Variants in RUNX2 observed in about 807,000 individuals in gnomAD.
RUNX2 encodes the protein RUNX family transcription factor 2.
A neutral mutation model predicts 51.7 loss-of-function variants in RUNX2; 10 were observed. That is an observed-to-expected ratio of 0.19 (90% CI 0.12 to 0.33). The LOEUF (loss-of-function observed/expected upper bound fraction) is 0.33. Ranked by LOEUF, RUNX2 falls within the 10% of genes least tolerant of loss-of-function variation. The pLI, the probability that RUNX2 is intolerant of heterozygous loss-of-function variation, is 1.00. For missense variants in RUNX2, 562 were observed against 691.3 expected (o/e 0.81, Z 2.10); for synonymous variants, 276 against 273.6 (o/e 1.01, Z -0.09).
intron 6 of RUNX2, among the ~76,000 whole-genome samples, chr6:45,510,680 G>A (rs1277691192): frequency 6.6e-6 from 1 of 151,624 alleles, no homozygotes; most frequent in South Asian, 2.1e-4. Context: ...TATTCCAAGT[G>A]TATTAACTCC....
intron 2 of RUNX2, among the ~76,000 whole-genome samples, chr6:45,391,684 G>A (rs1409214562): frequency 2.0e-5 from 3 of 152,194 alleles, no homozygotes; most frequent in African/African-American, 7.2e-5. Context: ...GGTGAAGCAA[G>A]GCGCCTTCTT....
At chr6:45,430,715 T>A (rs563596685) in intron 3 of RUNX2, among the ~76,000 whole-genome samples, 19 of 152,268 alleles carry the variant, frequency 1.2e-4, no homozygotes, top group Non-Finnish European at 2.2e-4. Context: ...AGTGGGAGGT[T>A]CACCAGACAG....
intron 5 of RUNX2, among the ~76,000 whole-genome samples, chr6:45,461,217 AG>A (rs1378394753): frequency 2.0e-5 from 3 of 152,206 alleles, no homozygotes; most frequent in African/African-American, 7.2e-5. Context: ...CAGTTAATGG[AG>A]CAGGCAGTAG....
At chr6:45,383,150 C>T (rs968361426) in intron 2 of RUNX2, among the ~76,000 whole-genome samples, 1 of 152,058 alleles carries the variant, frequency 6.6e-6, no homozygotes, top group Non-Finnish European at 1.5e-5. Context: ...TAAATAAGTT[C>T]TGGGCCGGGC....
At chr6:45,486,549 C>T (rs1025398788) in intron 5 of RUNX2, among the ~76,000 whole-genome samples, 1 of 152,120 alleles carries the variant, frequency 6.6e-6, no homozygotes, top group Admixed American at 6.5e-5. Context: ...TAAAATACTA[C>T]TCCAAAAAGA....
chr6:45,519,386 T>G (rs568450509), intron 7 of RUNX2, among the ~76,000 whole-genome samples: 1 of 152,340 alleles, frequency 6.6e-6, no homozygotes, highest in East Asian at 1.9e-4. Flanking sequence ...TATTGATACA[T>G]TGTTATGAAA....
intron 2 of RUNX2, among the ~76,000 whole-genome samples, chr6:45,347,402 GTAGA>G (rs2150166737): frequency 1.3e-5 from 2 of 152,102 alleles, no homozygotes; most frequent in East Asian, 3.9e-4. Flanking sequence ...TCTTTTGGTG[GTAGA>G]TGTACACAAA....
chr6:45,531,826 G>T (rs549810656), intron 7 of RUNX2, among the ~76,000 whole-genome samples: 4 of 151,948 alleles, frequency 2.6e-5, no homozygotes, highest in Non-Finnish European at 5.9e-5. Context: ...AATTTTGCAC[G>T]ATATATTCTA....
intron 2 of RUNX2, among the ~76,000 whole-genome samples, chr6:45,396,131 C>A (rs750603656): frequency 2.6e-5 from 4 of 151,960 alleles, no homozygotes; most frequent in African/African-American, 4.8e-5. Flanking sequence ...TAATAGATAC[C>A]ATAATATGCA....
intron 7 of RUNX2, among the ~76,000 whole-genome samples, chr6:45,526,868 T>A (rs1003391417): frequency 7.9e-5 from 12 of 152,214 alleles, no homozygotes; most frequent in Non-Finnish European, 1.3e-4. Context: ...ATAATAATAA[T>A]ACCTGCTTTA....
intron 7 of RUNX2, among the ~76,000 whole-genome samples, chr6:45,519,834 GTGTATA>G (rs1327832258): frequency 7.3e-6 from 1 of 137,064 alleles, no homozygotes; most frequent in African/African-American, 2.9e-5. Flanking sequence ...GTGTGTGTGT[GTGTATA>G]TATTTGAGAT....
At chr6:45,395,816 C>T (rs1797569586) in intron 2 of RUNX2, among the ~76,000 whole-genome samples, 1 of 151,994 alleles carries the variant, frequency 6.6e-6, no homozygotes, top group Non-Finnish European at 1.5e-5. Flanking sequence ...AGGCATGTGA[C>T]ACGACACCCA....
chr6:45,335,610 C>CT (rs555421292), intron 2 of RUNX2, among the ~76,000 whole-genome samples: 62 of 151,342 alleles, frequency 4.1e-4, no homozygotes, highest in African/African-American at 1.3e-3. Flanking sequence ...AGAAAGGAAA[C>CT]TTCTTTATGC....
intron 7 of RUNX2, among the ~76,000 whole-genome samples, chr6:45,528,326 A>G (rs1801734773): frequency 6.6e-6 from 1 of 152,178 alleles, no homozygotes; most frequent in Admixed American, 6.5e-5. Flanking sequence ...TACTGCTTCT[A>G]AAATGCACTT....
At chr6:45,443,742 TCA>T (rs1190578814) in intron 5 of RUNX2, among the ~76,000 whole-genome samples, 1 of 152,208 alleles carries the variant, frequency 6.6e-6, no homozygotes, top group Admixed American at 6.5e-5. Context: ...TATTAGCAGA[TCA>T]CTACTCAAGT....
intron 4 of RUNX2, among the ~76,000 whole-genome samples, chr6:45,436,752 A>G (rs183857040): frequency 1.3e-5 from 2 of 152,350 alleles, no homozygotes; most frequent in Admixed American, 6.5e-5. Flanking sequence ...CCTGTTCCAT[A>G]TTAAGCTTTG....
intron 4 of RUNX2, among the ~76,000 whole-genome samples, chr6:45,435,637 C>T (rs140838642): frequency 0.057 from 8,698 of 152,232 alleles, 335 homozygotes; most frequent in Non-Finnish European, 0.089. Flanking sequence ...GGATTACAGG[C>T]GTGAGCCACC....
chr6:45,505,360 CTT>C lies in RUNX2; in HGVS notation c.860-6871_860-6870del, dbSNP rs1203690597. Among the ~76,000 whole-genome samples, 31 of 139,884 alleles carry C rather than the reference CTT, an allele frequency of 2.2e-4. No homozygotes were observed. In the East Asian group the frequency reaches 3.7e-3, roughly 17 times the overall value. 91.8% of individuals were successfully genotyped at this position (139,884 alleles called of 152,430 possible). A position where few individuals can be genotyped will look rare whatever the true frequency, so the allele number is the denominator to read the frequency against. On this transcript the variant is annotated intron_variant, in intron 6 of 8. Transcript: ENST00000647337. ...GAGTCAGTTCATTTTCCTGGGATGC[CTT>C]TTTTTTTTTTTTTTCTTTTCTGCCT... is the stretch of plus-strand genomic sequence containing the variant.
At chr6:45,492,985 A>G (rs1800529233) in intron 6 of RUNX2, among the ~76,000 whole-genome samples, 1 of 152,210 alleles carries the variant, frequency 6.6e-6, no homozygotes, top group Non-Finnish European at 1.5e-5. Context: ...AAAATGTGTA[A>G]TAAGCCCTCA....
Sources: gnomAD v4.1 joint callset for allele counts (sites outside exome capture counted in the v4.1 genomes callset) on GRCh38, gnomAD v4.1.1 for gene constraint, MANE v1.5 for transcripts, NCBI Gene and HGNC (gene_info 2026-07-23, HGNC 2026-07-21) for gene names.